ACADS: variants seen among roughly 807,000 people sequenced by gnomAD.
ACADS encodes the protein acyl-CoA dehydrogenase short chain.
Under a neutral mutation model 46.8 loss-of-function variants are expected in ACADS, and 28 were observed. That is an observed-to-expected ratio of 0.60 (90% CI 0.44 to 0.82). The LOEUF is 0.82. ACADS is among the 40% of genes least tolerant of loss of function. ACADS has a pLI of 0.00. For synonymous variants in ACADS, 236 were observed against 237.7 expected (o/e 0.99, Z 0.07); for missense variants, 528 against 578.0 (o/e 0.91, Z 0.89).
intron 1 of ACADS, 123 bp downstream of exon 1, chr12:120,726,054 C>T (rs1002878334): frequency 1.2e-5 from 12 of 1,033,778 alleles, no homozygotes; most frequent in Non-Finnish European, 1.6e-5. Flanking sequence ...GGAGCGCTCA[C>T]GGCCTTTGCC....
chr12:120,738,181 T>C lies in ACADS; in HGVS notation c.625-99T>C, dbSNP rs555404. 749,266 of 1,590,938 alleles carry C rather than the reference T, an allele frequency of 0.47. 180,631 individuals carry two copies. The highest frequency in any genetic ancestry group is 0.64 in the South Asian group (57,312 of 88,888). On this transcript the variant is annotated intron_variant, in intron 5 of 9. Coordinates refer to ENST00000242592, the MANE Select transcript of ACADS (RefSeq NM_000017.4). ...CAGAGGGTGTCAAGGCCTGAGCTTCTGAGGGAGGTGGGGAGGGGACCGGGT... is the reference window on the plus strand; with the variant it reads ...CAGAGGGTGTCAAGGCCTGAGCTTCCGAGGGAGGTGGGGAGGGGACCGGGT...
At chr12:120,727,600 G>A (rs1883125005) in intron 2 of ACADS, among the ~76,000 whole-genome samples, 1 of 152,168 alleles carries the variant, frequency 6.6e-6, no homozygotes, top group African/African-American at 2.4e-5. Flanking sequence ...GCAATGGTGC[G>A]ACCTCGCCTC....
chr12:120,735,283 A>G (rs1485149326), intron 2 of ACADS, among the ~76,000 whole-genome samples: 12 of 143,404 alleles, frequency 8.4e-5, no homozygotes, highest in Admixed American at 4.7e-4. Context: ...AAAAAAAAAA[A>G]AAAAAAGAAA....
rs750941135 is a variant in ACADS, at chr12:120,727,085, G to GA, written c.107dup (p.Thr37AspfsTer26). ...CATCTACCAGTCTGTGGAACTGCCC[G>GA]AGACACACCAGATGTTGCTCCAGAC... On this transcript the variant is annotated frameshift_variant, in exon 2 of 10. Coordinates refer to ENST00000242592, the MANE Select transcript of ACADS (RefSeq NM_000017.4). LOFTEE classifies it high-confidence loss of function. 7 of 1,614,058 alleles carry GA rather than the reference G, an allele frequency of 4.3e-6. No individual in the cohort carries two copies. In the Admixed American group the frequency reaches 1.0e-4, roughly 23 times the overall value.
intron 2 of ACADS, among the ~76,000 whole-genome samples, chr12:120,735,977 C>T (rs1007560790): frequency 9.2e-5 from 14 of 151,730 alleles, no homozygotes; most frequent in African/African-American, 2.9e-4. Flanking sequence ...TGAAAAGCAA[C>T]GGTTCCCTCC....
intron 2 of ACADS, 90 bp from the exon 3 acceptor site, chr12:120,736,896 A>G (rs1883458067): frequency 1.4e-6 from 2 of 1,464,468 alleles, no homozygotes; most frequent in Non-Finnish European, 1.8e-6. Flanking sequence ...TCTGCAGGGC[A>G]CTGCCTCGGG....
rs113979967 is a variant in ACADS, at chr12:120,733,234, G to C, written c.211-3752G>C. Among the ~76,000 whole-genome samples, 9 of 151,172 alleles carry C rather than the reference G, an allele frequency of 6.0e-5. No homozygotes were observed. The Middle Eastern group carries it at 0.01, about 171-fold the overall frequency. ...GTGGAAAGAGAGGGAGAGGGAGACC[G>C]GGGGGAGAGGGAGAGGGAGAGGGAG... On this transcript the variant is annotated intron_variant, in intron 2 of 9. Coordinates refer to ENST00000242592, the MANE Select transcript of ACADS (RefSeq NM_000017.4).
chr12:120,738,747 G>A lies in ACADS; in HGVS notation c.934-73G>A, dbSNP rs907938067. The A allele has an allele frequency of 2.1e-5, 34 of 1,610,472 alleles. No homozygotes were observed. In the African/African-American group the frequency reaches 2.8e-4, roughly 13 times the overall value. ...GAGTGTGGCCTCCTGACTGCTCTCC[G>A]TCCTCCTCCCCCTCCCTTCTGTCCC... On this transcript the variant is annotated intron_variant, in intron 7 of 9. Coordinates refer to ENST00000242592, the MANE Select transcript of ACADS (RefSeq NM_000017.4).
At chr12:120,734,935 A>G (rs1883379202) in intron 2 of ACADS, among the ~76,000 whole-genome samples, 1 of 150,104 alleles carries the variant, frequency 6.7e-6, no homozygotes, top group Non-Finnish European at 1.5e-5. Context: ...TATTTTTGGT[A>G]GAGATATGGT....
rs534299870 is a variant in ACADS, at chr12:120,738,091, G to A, written c.624+103G>A. On this transcript the variant is annotated intron_variant, in intron 5 of 9. Coordinates refer to ENST00000242592, the MANE Select transcript of ACADS (RefSeq NM_000017.4). Reference sequence around the variant, plus strand: ...CCGACTGGACCTATTTTTGCTCTGGGGCAAGTGGGCTGTCCCTGTCCCTCC... The same window carrying A: ...CCGACTGGACCTATTTTTGCTCTGGAGCAAGTGGGCTGTCCCTGTCCCTCC... 10 of 1,583,662 alleles carry A rather than the reference G, an allele frequency of 6.3e-6. No individual in the cohort carries two copies. In the South Asian group the frequency reaches 1.1e-4, roughly 18 times the overall value.
rs902968099 is a variant in ACADS at position 120,728,675 on chromosome 12, T to A, written c.210+1486T>A. ...GCGCACACCACCATACCCGGCTAAT[T>A]TTATGTATTTTAGTAGAGACGGGGT... is the stretch of plus-strand genomic sequence containing the variant. On this transcript the variant is annotated intron_variant, in intron 2 of 9. Coordinates refer to ENST00000242592, the MANE Select transcript of ACADS (RefSeq NM_000017.4). The surrounding 1 kb of genome is among the most constrained non-coding windows in gnomAD (Gnocchi z 4.0). Among the ~76,000 whole-genome samples the A allele has an allele frequency of 5.3e-5, 8 of 150,898 alleles. No individual in the cohort carries two copies. Among genetic ancestry groups the A allele is most frequent in the African/African-American group, 2.0e-4 (8 of 40,964 alleles).
intron 2 of ACADS, among the ~76,000 whole-genome samples, chr12:120,732,594 C>T (rs560445409): frequency 2.5e-4 from 37 of 149,666 alleles, no homozygotes; most frequent in Non-Finnish European, 3.9e-4. Flanking sequence ...GGGTCGCGGC[C>T]GGGCAGAGGC....
intron 8 of ACADS, 28 bp downstream of exon 8, chr12:120,738,943 CCCAGAATGTGGTGGG>C (rs1263844433): frequency 1.2e-6 from 2 of 1,611,844 alleles, no homozygotes; most frequent in South Asian, 2.2e-5. Flanking sequence ...CGAGCCATGG[CCCAGAATGTGGTGGG>C]CCCAGGGACG....
In ACADS at chr12:120,727,081, G is replaced by T. The variant is rs767760711; in HGVS notation, c.102G>T (p.Leu34=). 2 of 1,614,196 alleles carry T rather than the reference G, an allele frequency of 1.2e-6. No homozygotes were observed. The highest frequency in any genetic ancestry group is 1.7e-6 in the Non-Finnish European group (2 of 1,180,030). ...ACACCATCTACCAGTCTGTGGAACT[G>T]CCCGAGACACACCAGATGTTGCTCC... The part of the protein sequence containing the change: ...QLHTIYQSVE[L]PETHQMLLQT... The change falls in exon 2 of 10, where the codon CTG becomes CTT. Residue 34 remains leucine (L), a synonymous_variant. Coordinates refer to ENST00000242592, the MANE Select transcript of ACADS (RefSeq NM_000017.4).
At chr12:120,730,016 CTCTG>C (rs1566024297) in intron 2 of ACADS, among the ~76,000 whole-genome samples, 1 of 152,152 alleles carries the variant, frequency 6.6e-6, no homozygotes, top group African/African-American at 2.4e-5. Context: ...TGGAGTCTCG[CTCTG>C]TCCCCAGGCT....
At chr12:120,726,521 G>A (rs1883089536) in intron 1 of ACADS, among the ~76,000 whole-genome samples, 2 of 152,198 alleles carry the variant, frequency 1.3e-5, no homozygotes, top group South Asian at 4.1e-4. Flanking sequence ...TGAATTACAA[G>A]GGGAACGCTA....
chr12:120,735,888 T>C (rs1361047681), intron 2 of ACADS, among the ~76,000 whole-genome samples: 1 of 149,228 alleles, frequency 6.7e-6, no homozygotes. Flanking sequence ...AACAGAACAA[T>C]ACTCTGTCAC....
intron 1 of ACADS, among the ~76,000 whole-genome samples, chr12:120,726,806 G>A (rs968761471): frequency 2.0e-5 from 3 of 152,140 alleles, no homozygotes; most frequent in Admixed American, 6.5e-5. Flanking sequence ...TGTTGTGGGG[G>A]CTGTCCTCTG....
At position 120,728,831 on chromosome 12, in the gene ACADS, G is replaced by A. The variant is rs146892370; in HGVS notation, c.210+1642G>A. Among the ~76,000 whole-genome samples the A allele has an allele frequency of 2.8e-3, 420 of 152,320 alleles. 1 individual carries two copies. Among genetic ancestry groups the A allele is most frequent in the Non-Finnish European group, 4.6e-3 (314 of 68,030 alleles). On this transcript the variant is annotated intron_variant, in intron 2 of 9. Coordinates refer to ENST00000242592, the MANE Select transcript of ACADS (RefSeq NM_000017.4). This position sits in a 1 kb window ranked among gnomAD's most constrained non-coding sequence, Gnocchi z 4.0. ...CTTAAAAATGAGTTTTAAAAGGGAC[G>A]TAAAACATTGTTTTTATATGAGGGA...
Sources: allele counts gnomAD v4.1 joint callset (sites outside exome capture counted in the v4.1 genomes callset), GRCh38; gene constraint gnomAD v4.1.1; non-coding constraint Gnocchi (gnomAD v3.1); transcripts MANE v1.5; gene names NCBI Gene and HGNC (gene_info 2026-07-23, HGNC 2026-07-21).